ARHGEF11: variants seen among roughly 807,000 people sequenced by gnomAD.
The protein encoded by ARHGEF11 is Rho guanine nucleotide exchange factor 11.
A neutral mutation model predicts 193.7 loss-of-function variants in ARHGEF11; 55 were observed. That is an observed-to-expected ratio of 0.28 (90% CI 0.23 to 0.36). The LOEUF is 0.36. Ranked by LOEUF, ARHGEF11 falls within the 10% of genes least tolerant of loss-of-function variation. ARHGEF11 has a pLI of 1.00. For synonymous variants in ARHGEF11, 693 were observed against 768.0 expected (o/e 0.90, Z 1.62); for missense variants, 1,723 against 2,005.6 (o/e 0.86, Z 2.69).
At chr1:157,040,353 G>C (rs1327434356) in intron 1 of ARHGEF11, among the ~76,000 whole-genome samples, 1 of 152,238 alleles carries the variant, frequency 6.6e-6, no homozygotes, top group East Asian at 1.9e-4. Flanking sequence ...AGTCAATAAA[G>C]ACCAGAAGCC....
In ARHGEF11 at chr1:156,937,381, A is replaced by AGGCTCT; in HGVS notation, c.4302_4307dup (p.Glu1435_Pro1436dup). 6.2e-7 allele frequency: 1 copy of AGGCTCT among 1,608,268 alleles called. No homozygotes were observed. Among genetic ancestry groups the AGGCTCT allele is most frequent in the Non-Finnish European group, 8.5e-7 (1 of 1,177,218 alleles). ...CGTTGCCTCCCTGCAGCTGAGGCTG[A>AGGCTCT]GGCTCTGTCTGCCCTGCAGGGAGGC... On this transcript the variant is annotated inframe_insertion, in exon 39 of 41. Coordinates refer to ENST00000368194, the MANE Select transcript of ARHGEF11 (RefSeq NM_198236.3).
In ARHGEF11 at chr1:156,956,346, G is replaced by A. The variant is rs199792334; in HGVS notation, c.1671+74C>T. 8 of 1,529,238 alleles carry A rather than the reference G, an allele frequency of 5.2e-6. No individual in the cohort carries two copies. In the East Asian group the frequency reaches 1.4e-4, roughly 26 times the overall value. The allele number at this position is 1,529,238 out of a possible 1,614,324, so 94.7% of individuals were successfully genotyped here. On this transcript the variant is annotated intron_variant, in intron 19 of 40. Coordinates refer to ENST00000368194, the MANE Select transcript of ARHGEF11 (RefSeq NM_198236.3). ...GCCCAGGCTGGTCTCGAACTCCTGA[G>A]CTCAGGCAATCACCCGCCTTGGCAT...
intron 36 of ARHGEF11, 97 bp from the exon 37 acceptor site, chr1:156,940,007 C>T (rs1310643773): frequency 6.5e-7 from 1 of 1,542,306 alleles, no homozygotes; most frequent in Non-Finnish European, 8.7e-7. Flanking sequence ...GTGGTGACCT[C>T]AGGCACAGGT....
intron 18 of ARHGEF11, among the ~76,000 whole-genome samples, chr1:156,956,915 T>C (rs1660038547): frequency 6.6e-6 from 1 of 152,164 alleles, no homozygotes; most frequent in Admixed American, 6.5e-5. Flanking sequence ...GGTCAAGCCA[T>C]AGGCAGATGT....
At chr1:156,947,735 G>C (rs1658407742) in intron 25 of ARHGEF11, 34 bp downstream of exon 25, 10 of 1,607,270 alleles carry the variant, frequency 6.2e-6, no homozygotes, top group African/African-American at 4.0e-5. Flanking sequence ...CCACACGTGT[G>C]AGCGGAGCTG....
At chr1:156,998,756 T>C (rs759959422) in intron 1 of ARHGEF11, among the ~76,000 whole-genome samples, 5 of 152,182 alleles carry the variant, frequency 3.3e-5, no homozygotes, top group Non-Finnish European at 7.3e-5. Flanking sequence ...TCTCCTAAGA[T>C]CTCCTAGATG....
chr1:156,994,386 T>TTGTG (rs201993761), intron 1 of ARHGEF11, among the ~76,000 whole-genome samples: 87 of 62,748 alleles, frequency 1.4e-3, no homozygotes, highest in East Asian at 0.012. Context: ...AATGGTTTTA[T>TTGTG]TGTGTGTTTT....
At chr1:157,024,527 CATGAAGGTTAG>C (rs1670413598) in intron 1 of ARHGEF11, among the ~76,000 whole-genome samples, 1 of 152,176 alleles carries the variant, frequency 6.6e-6, no homozygotes, top group Admixed American at 6.5e-5. Flanking sequence ...ATTGTGAAGT[CATGAAGGTTAG>C]ATGAAGTAGC....
At chr1:156,996,630 G>A (rs999547257) in intron 1 of ARHGEF11, among the ~76,000 whole-genome samples, 11 of 151,570 alleles carry the variant, frequency 7.3e-5, no homozygotes, top group African/African-American at 1.5e-4. Context: ...AAAATTAGCC[G>A]GGCGTGGTAG....
intron 11 of ARHGEF11, chr1:156,963,885 G>C: frequency 1.4e-6 from 1 of 693,854 alleles, no homozygotes; most frequent in East Asian, 4.9e-5. Flanking sequence ...CAAAAGATCT[G>C]GGGTGGGACT....
chr1:156,954,511 G>A (rs1659654656), intron 21 of ARHGEF11, among the ~76,000 whole-genome samples: 1 of 151,956 alleles, frequency 6.6e-6, no homozygotes, highest in South Asian at 2.1e-4. Context: ...CCTCATCCTT[G>A]GAGATGTGAC....
intron 1 of ARHGEF11, among the ~76,000 whole-genome samples, chr1:157,000,452 A>T (rs1046949348): frequency 6.6e-6 from 1 of 152,206 alleles, no homozygotes; most frequent in Non-Finnish European, 1.5e-5. Flanking sequence ...GATTATTGGC[A>T]CAAATAAAGG....
rs779918624 is a variant in ARHGEF11 at position 156,948,256 on chromosome 1, AC to A, written c.2106-29del. On this transcript the variant is annotated intron_variant, in intron 23 of 40. Coordinates refer to ENST00000368194, the MANE Select transcript of ARHGEF11 (RefSeq NM_198236.3). The surrounding 1 kb of genome is among the most constrained non-coding windows in gnomAD (Gnocchi z 4.2). Reference sequence around the variant, plus strand: ...GTGGAGGGAATGTCAACTCTCAGCAACCCTCTATCCTTGCCGCCACCCCTGA... The same window carrying A: ...GTGGAGGGAATGTCAACTCTCAGCAACCTCTATCCTTGCCGCCACCCCTGA... 142 of 1,598,710 alleles carry A rather than the reference AC, an allele frequency of 8.9e-5. No homozygotes were observed. The highest frequency in any genetic ancestry group is 1.2e-4 in the Non-Finnish European group (135 of 1,169,074).
chr1:156,940,054 T>A, intron 36 of ARHGEF11, 144 bp from the exon 37 acceptor site: 1 of 1,427,108 alleles, frequency 7.0e-7, no homozygotes, highest in Non-Finnish European at 9.4e-7. Context: ...CTGGTGGGGG[T>A]TGGGTGGGGA....
chr1:156,980,514 G>A, intron 3 of ARHGEF11, 28 bp from the exon 4 acceptor site: 2 of 1,575,688 alleles, frequency 1.3e-6, no homozygotes, highest in Admixed American at 1.8e-5. Context: ...GGTCAGCAGT[G>A]CCCAACAACC....
At chr1:157,041,039 T>C (rs1672682144) in intron 1 of ARHGEF11, among the ~76,000 whole-genome samples, 2 of 152,134 alleles carry the variant, frequency 1.3e-5, no homozygotes, top group African/African-American at 4.8e-5. Flanking sequence ...AACCACAAAC[T>C]CTTGGCTTAA....
chr1:157,045,919 C>A (rs1008597004), upstream of ARHGEF11, among the ~76,000 whole-genome samples: 2 of 150,916 alleles, frequency 1.3e-5, no homozygotes, highest in Non-Finnish European at 3.0e-5. Flanking sequence ...CTGCGCTGCC[C>A]GCCGCCCGCC....
At chr1:157,031,162 C>T (rs1414790746) in intron 1 of ARHGEF11, among the ~76,000 whole-genome samples, 2 of 152,160 alleles carry the variant, frequency 1.3e-5, no homozygotes, top group African/African-American at 2.4e-5. Context: ...CCCCAGTGCC[C>T]GGAATGCTGC....
intron 40 of ARHGEF11, among the ~76,000 whole-genome samples, chr1:156,936,570 C>T (rs1041233981): frequency 6.9e-6 from 1 of 144,962 alleles, no homozygotes; most frequent in Non-Finnish European, 1.5e-5. Flanking sequence ...ACAGGCTCCT[C>T]CTGGTTTGTT....
Sources: allele counts gnomAD v4.1 joint callset (sites outside exome capture counted in the v4.1 genomes callset), GRCh38; gene constraint gnomAD v4.1.1; non-coding constraint Gnocchi (gnomAD v3.1); transcripts MANE v1.5; gene names NCBI Gene and HGNC (gene_info 2026-07-23, HGNC 2026-07-21).